PIP4K2A: variants seen among roughly 807,000 people sequenced by gnomAD.
PIP4K2A encodes phosphatidylinositol 5-phosphate 4-kinase type-2 alpha.
In PIP4K2A, 14 loss-of-function variants were observed where a neutral mutation model predicts 42.9. That is an observed-to-expected ratio of 0.33 (90% confidence interval 0.22 to 0.51). PIP4K2A has a LOEUF of 0.51. PIP4K2A is among the 20% of genes least tolerant of loss of function. PIP4K2A has a pLI of 0.97. For synonymous variants in PIP4K2A, 192 were observed against 192.2 expected, an observed-to-expected ratio of 1.00 and a Z score of 0.01; for missense variants, 434 against 519.8, an observed-to-expected ratio of 0.83 and a Z score of 1.61.
chr10:22,543,223 T>C (rs997293922), intron 7 of PIP4K2A, among the ~76,000 whole-genome samples: 2 of 152,132 alleles, frequency 1.3e-5, no homozygotes, highest in African/African-American at 4.8e-5. Flanking sequence ...AGAGGACCCC[T>C]GGGCACAGGG....
intron 6 of PIP4K2A, among the ~76,000 whole-genome samples, chr10:22,554,545 G>A (rs773273228): frequency 1.4e-4 from 21 of 152,222 alleles, no homozygotes; most frequent in Admixed American, 2.6e-4. Flanking sequence ...GAAACAGCCA[G>A]AGGGTGGAAG....
Position 22,567,864 on chromosome 10 carries a change from C to G in PIP4K2A, c.665G>C (p.Ser222Thr), listed in dbSNP as rs779197964. 1.9e-6 allele frequency: 3 copies of G among 1,613,788 alleles called. No homozygotes were observed. Among genetic ancestry groups the G allele is most frequent in the Admixed American group, 3.3e-5 (2 of 60,000 alleles). The change falls in exon 6 of 10, where the codon AGT becomes ACT. Residue 222 changes from serine to threonine, a missense_variant. By Grantham distance (58) the Ser-to-Thr change is moderately conservative. This residue lies in a region of PIP4K2A where 395 missense variants were observed against 444.5 expected (regional missense o/e 0.89). Transcript: ENST00000376573. ...CAAGGTACTTACCTTTTCTTTGTCA[C>G]TAGCTTCTCTAGCCACTGTAGAGCC... ...LKGSTVAREA[S>T]DKEKAKELPT... is the part of the protein sequence containing the mutation.
chr10:22,592,923 G>A (rs1439797755), intron 3 of PIP4K2A, among the ~76,000 whole-genome samples: 1 of 152,250 alleles, frequency 6.6e-6, no homozygotes, highest in Non-Finnish European at 1.5e-5. Flanking sequence ...AAAGGCCTCA[G>A]TGGCCAAATG....
intron 1 of PIP4K2A, among the ~76,000 whole-genome samples, chr10:22,665,605 C>CTTTT (rs34262297): frequency 1.7e-5 from 2 of 115,002 alleles, no homozygotes; most frequent in African/African-American, 3.2e-5. Flanking sequence ...CCACACCTGG[C>CTTTT]TTTTTTTTTT....
Position 22,572,611 on chromosome 10 carries a change from AAAAG to A in PIP4K2A, c.639+696_639+699del, listed in dbSNP as rs375682668. 1.9e-3 allele frequency among the ~76,000 whole-genome samples: 271 copies of A among 145,114 alleles called. 1 individual carries two copies. The highest frequency in any genetic ancestry group is 7.5e-3 in the African/African-American group (262 of 35,024). On this transcript the variant is annotated intron_variant, in intron 5 of 9. Coordinates refer to ENST00000376573, the MANE Select transcript of PIP4K2A (RefSeq NM_005028.5). ...CAGAGGAAGACTCTTTCTCAAAAAA[AAAAG>A]AAAAGAAAAGAAAAAAAAGTCCCTC...
rs1379482451 is a variant in PIP4K2A, at chr10:22,536,911, T to C, written c.*290A>G. The C allele has an allele frequency of 3.2e-6, 1 of 316,128 alleles. No homozygotes were observed. The highest frequency in any genetic ancestry group is 2.2e-5 in the African/African-American group (1 of 45,660). The allele number at this position is 316,128 out of a possible 1,614,324, so 19.6% of individuals were successfully genotyped here. On this transcript the variant is annotated 3_prime_UTR_variant, in exon 10 of 10. Coordinates refer to ENST00000376573, the MANE Select transcript of PIP4K2A (RefSeq NM_005028.5). ...CACATACTGACCGAAGTGGATCTGT[T>C]TTAATTAATTTATGACTTTTAAAAT... is the stretch of plus-strand genomic sequence containing the variant.
chr10:22,610,497 G>C (rs1588661715), intron 1 of PIP4K2A, among the ~76,000 whole-genome samples: 3 of 152,334 alleles, frequency 2.0e-5, no homozygotes, highest in African/African-American at 7.2e-5. Context: ...CTTCCAGTAG[G>C]ATAGAAGGCA....
At chr10:22,713,041 CG>C (rs1833939641) in intron 1 of PIP4K2A, among the ~76,000 whole-genome samples, 1 of 152,036 alleles carries the variant, frequency 6.6e-6, no homozygotes, top group African/African-American at 2.4e-5. Context: ...GCAGGGAAAG[CG>C]AACTTACACT....
At chr10:22,612,684 A>T (rs1381287071) in intron 1 of PIP4K2A, among the ~76,000 whole-genome samples, 2 of 152,100 alleles carry the variant, frequency 1.3e-5, no homozygotes, top group Non-Finnish European at 2.9e-5. Flanking sequence ...ACAGACTAGA[A>T]ATGTAGGGAA....
intron 1 of PIP4K2A, among the ~76,000 whole-genome samples, chr10:22,641,443 TTC>T (rs1195850327): frequency 2.6e-5 from 4 of 152,136 alleles, no homozygotes; most frequent in Non-Finnish European, 2.9e-5. Context: ...TCATTTTTTT[TTC>T]TTTTTCTTTT....
At chr10:22,549,122 G>A (rs1836330887) in intron 7 of PIP4K2A, among the ~76,000 whole-genome samples, 2 of 152,072 alleles carry the variant, frequency 1.3e-5, no homozygotes, top group South Asian at 4.1e-4. Context: ...ATCCAAGTAT[G>A]TATACTATAA....
chr10:22,712,455 C>T (rs1401809594), intron 1 of PIP4K2A, among the ~76,000 whole-genome samples: 7 of 152,056 alleles, frequency 4.6e-5, no homozygotes, highest in Non-Finnish European at 1.5e-5. Context: ...GAGATAAAAG[C>T]ACCATAAATA....
At position 22,714,403 on chromosome 10, in the gene PIP4K2A, G is replaced by C; in HGVS notation, c.-77C>G. 9.3e-7 allele frequency: 1 copy of C among 1,078,844 alleles called. No homozygotes were observed. 66.8% of individuals were successfully genotyped at this position (1,078,844 alleles called of 1,614,324 possible). ...CCCTCTCTACACCCCGGCCCGGGGA[G>C]GCAGCCGCATCCCCCCGGCGGCGGC... On this transcript the variant is annotated 5_prime_UTR_variant, in exon 1 of 10. Coordinates refer to ENST00000376573, the MANE Select transcript of PIP4K2A (RefSeq NM_005028.5).
rs750914430 is a variant in PIP4K2A at position 22,714,201 on chromosome 10, C to T, written c.126G>A (p.Met42Ile). ...CCCTTACCGAGTGGTTTACCCCCCA[C>T]ATGAGGACGCTGAGCAGCGGGTCGC... ...RASDPLLSVL[M>I]WGVNHSINEL... Residue 42 changes from methionine (M) to isoleucine (I), a missense_variant, in exon 1 of 10, where the codon ATG becomes ATA. Met to Ile is a conservative substitution (Grantham distance 10). Coordinates refer to ENST00000376573, the MANE Select transcript of PIP4K2A (RefSeq NM_005028.5). 3 of 1,611,126 alleles carry T rather than the reference C, an allele frequency of 1.9e-6. No homozygotes were observed. Among genetic ancestry groups the T allele is most frequent in the Non-Finnish European group, 1.7e-6 (2 of 1,178,442 alleles).
chr10:22,713,913 C>A (rs921499251), intron 1 of PIP4K2A: 1 of 280,730 alleles, frequency 3.6e-6, no homozygotes, highest in Admixed American at 5.4e-5. Context: ...GGGGGCGGCA[C>A]TGGCACCCAC....
At chr10:22,586,245 A>C (rs1449897267) in intron 4 of PIP4K2A, among the ~76,000 whole-genome samples, 1 of 152,208 alleles carries the variant, frequency 6.6e-6, no homozygotes, top group Admixed American at 6.5e-5. Context: ...GGTCTGAGAG[A>C]TGATGCTCTT....
At chr10:22,713,562 C>A (rs1283675882) in intron 1 of PIP4K2A, among the ~76,000 whole-genome samples, 2 of 152,236 alleles carry the variant, frequency 1.3e-5, no homozygotes, top group Admixed American at 6.5e-5. Context: ...ATATTTACAT[C>A]GGCTGCTGCT....
intron 3 of PIP4K2A, among the ~76,000 whole-genome samples, chr10:22,600,918 A>AG (rs952879971): frequency 2.6e-5 from 4 of 152,110 alleles, no homozygotes; most frequent in African/African-American, 7.2e-5. Flanking sequence ...TATAGAGGGG[A>AG]GCAAGACACA....
At chr10:22,581,100 T>C (rs1837266962) in intron 4 of PIP4K2A, among the ~76,000 whole-genome samples, 1 of 152,214 alleles carries the variant, frequency 6.6e-6, no homozygotes, top group Admixed American at 6.5e-5. Flanking sequence ...ACAGGCAGCA[T>C]GAACACAATA....
Sources: gnomAD v4.1 joint callset for allele counts (sites outside exome capture counted in the v4.1 genomes callset) on GRCh38, gnomAD v4.1.1 for gene constraint, gnomAD v4.1.1 regional missense constraint, MANE v1.5 for transcripts, NCBI Gene and HGNC (gene_info 2026-07-23, HGNC 2026-07-21) for gene names.